MARK3: variants seen among roughly 807,000 people sequenced by gnomAD.
The protein encoded by MARK3 is microtubule affinity regulating kinase 3, also known as MAP/microtubule affinity-regulating kinase 3.
Under a neutral mutation model 90.1 loss-of-function variants are expected in MARK3, and 46 were observed. The observed-to-expected ratio is 0.51, with a 90% confidence interval of 0.40 to 0.65. MARK3 has a LOEUF of 0.65. Ranked by LOEUF, MARK3 falls within the 30% of genes least tolerant of loss-of-function variation. The pLI is 0.00. For missense variants in MARK3, 818 were observed against 947.2 expected (o/e 0.86, Z 1.79); for synonymous variants, 321 against 332.6 (o/e 0.97, Z 0.38).
At chr14:103,483,343 C>G (rs2093861159) in intron 14 of MARK3, among the ~76,000 whole-genome samples, 1 of 152,036 alleles carries the variant, frequency 6.6e-6, no homozygotes, top group East Asian at 1.9e-4. Flanking sequence ...TATGAGTGTT[C>G]ATACGGAATT....
At position 103,491,010 on chromosome 14, in the gene MARK3, C is replaced by T. The variant is rs191776590; in HGVS notation, c.1587-767C>T. 1.1e-4 allele frequency: 141 copies of T among 1,288,480 alleles called. No individual in the cohort carries two copies. The African/African-American group carries it at 1.1e-3, about 10-fold the overall frequency. The allele number at this position is 1,288,480 out of a possible 1,614,324, so 79.8% of individuals were successfully genotyped here. ...TGCCTCAGTTTGTACATCTACCTGT[C>T]GGCTGAGACATCAGAAGTCGATGTC... On this transcript the variant is annotated intron_variant, in intron 14 of 17. Coordinates refer to ENST00000429436, the MANE Select transcript of MARK3 (RefSeq NM_001128918.3).
chr14:103,405,919 C>G (rs1428151207), intron 2 of MARK3, among the ~76,000 whole-genome samples: 1 of 151,390 alleles, frequency 6.6e-6, no homozygotes, highest in Admixed American at 6.6e-5. Flanking sequence ...AAGACAGGGC[C>G]TTGCCCTGTC....
intron 6 of MARK3, among the ~76,000 whole-genome samples, chr14:103,461,491 C>A (rs1595788265): frequency 6.6e-6 from 1 of 152,282 alleles, no homozygotes; most frequent in South Asian, 2.1e-4. Context: ...CTTAATAGTG[C>A]ACGTAGTAGT....
intron 16 of MARK3, chr14:103,499,790 G>A (rs2075552598): frequency 4.2e-6 from 1 of 240,206 alleles, no homozygotes; most frequent in South Asian, 5.2e-5. Flanking sequence ...TAGAAAGTGA[G>A]AATAACCCCA....
At position 103,411,830 on chromosome 14, in the gene MARK3, C is replaced by T. The variant is rs949603290; in HGVS notation, c.243+6563C>T. On this transcript the variant is annotated intron_variant, in intron 2 of 17. Coordinates refer to ENST00000429436, the MANE Select transcript of MARK3 (RefSeq NM_001128918.3). Reference sequence around the variant, plus strand: ...TAGAGAGGGGATTTCATCATGTTGGCCAGGATGGTCTCGATCTCTTGAACC... The same window carrying T: ...TAGAGAGGGGATTTCATCATGTTGGTCAGGATGGTCTCGATCTCTTGAACC... Among the ~76,000 whole-genome samples, 26 of 151,528 alleles carry T rather than the reference C, an allele frequency of 1.7e-4. 1 individual carries two copies. Among genetic ancestry groups the T allele is most frequent in the Admixed American group, 1.4e-3 (21 of 15,200 alleles).
At chr14:103,473,010 A>AG (rs1210387530) in intron 12 of MARK3, among the ~76,000 whole-genome samples, 1 of 152,062 alleles carries the variant, frequency 6.6e-6, no homozygotes, top group East Asian at 1.9e-4. Context: ...CCGTCTCGAA[A>AG]AAAAAAAAAA....
intron 3 of MARK3, among the ~76,000 whole-genome samples, chr14:103,433,168 C>T (rs769047558): frequency 4.0e-5 from 6 of 150,852 alleles, no homozygotes; most frequent in Non-Finnish European, 8.9e-5. Context: ...TCACTGCAAC[C>T]TCTGCCTCCC....
chr14:103,472,186 G>A (rs1287751163), intron 12 of MARK3, among the ~76,000 whole-genome samples: 1 of 149,352 alleles, frequency 6.7e-6, no homozygotes, highest in African/African-American at 2.5e-5. Context: ...CTCCAGCCTG[G>A]GCGACAGAGC....
intron 14 of MARK3, chr14:103,491,474 G>C (rs2094015254): frequency 3.3e-6 from 1 of 306,050 alleles, no homozygotes; most frequent in African/African-American, 2.2e-5. Context: ...CAATTTGAGA[G>C]GGAAGCAAAG....
intron 1 of MARK3, among the ~76,000 whole-genome samples, chr14:103,390,219 G>C (rs2140448244): frequency 6.6e-6 from 1 of 152,272 alleles, no homozygotes; most frequent in South Asian, 2.1e-4. Flanking sequence ...CTGCACTCCA[G>C]CCTGGGCGAC....
At position 103,386,090 on chromosome 14, in the gene MARK3, C is replaced by T. The variant is rs774306720; in HGVS notation, c.51+10C>T. 1.9e-6 allele frequency: 3 copies of T among 1,614,044 alleles called. No homozygotes were observed. Among genetic ancestry groups the T allele is most frequent in the Admixed American group, 1.7e-5 (1 of 60,026 alleles). ...ACGAGACACTGAAAACGTAAGTAAC[C>T]TGGGCGTTGTAGTTGGCGGACCTTC... On this transcript the variant is annotated intron_variant, in intron 1 of 17. Transcript: ENST00000429436.
intron 1 of MARK3, among the ~76,000 whole-genome samples, chr14:103,393,283 C>T (rs561466626): frequency 3.3e-5 from 5 of 152,174 alleles, no homozygotes; most frequent in South Asian, 4.1e-4. Context: ...CACTGTGCCC[C>T]GGCTTAATCA....
At chr14:103,386,673 C>A (rs2089830613) in intron 1 of MARK3, among the ~76,000 whole-genome samples, 1 of 152,172 alleles carries the variant, frequency 6.6e-6, no homozygotes, top group Non-Finnish European at 1.5e-5. Flanking sequence ...CCATACAAAT[C>A]TTTTTTGAAG....
chr14:103,491,112 G>C, intron 14 of MARK3: 1 of 1,250,672 alleles, frequency 8.0e-7, no homozygotes, highest in Non-Finnish European at 1.0e-6. Context: ...GGCTATGTAA[G>C]AAAAATGCAC....
chr14:103,472,755 C>A (rs945146100), intron 12 of MARK3, among the ~76,000 whole-genome samples: 3 of 152,044 alleles, frequency 2.0e-5, no homozygotes, highest in Non-Finnish European at 4.4e-5. Context: ...CGCCTGTAAT[C>A]CCAACACTTT....
chr14:103,460,596 G>C (rs1413006952), intron 6 of MARK3, among the ~76,000 whole-genome samples: 1 of 152,200 alleles, frequency 6.6e-6, no homozygotes, highest in Non-Finnish European at 1.5e-5. Context: ...CATCAGGTTA[G>C]CTTTGAGCTG....
rs1373614830 is a variant in MARK3, at chr14:103,480,424, C to T, written c.1520C>T (p.Thr507Ile). Residue 507 changes from threonine to isoleucine, a missense_variant, in exon 14 of 18, where the codon ACT becomes ATT. This residue lies in a region of MARK3 where 560 missense variants were observed against 613.5 expected (regional missense o/e 0.91). Coordinates refer to ENST00000429436, the MANE Select transcript of MARK3 (RefSeq NM_001128918.3). ...TCTGGTGGAATGACACGACGAAATA[C>T]TTATGTTTGCAGTGAGAGAACTACA... ...TASGGMTRRN[T>I]YVCSERTTAD... is the part of the protein sequence containing the mutation. 6.2e-7 allele frequency: 1 copy of T among 1,613,280 alleles called. No individual in the cohort carries two copies. Among genetic ancestry groups the T allele is most frequent in the Non-Finnish European group, 8.5e-7 (1 of 1,179,534 alleles).
chr14:103,425,984 T>G lies in MARK3; in HGVS notation c.244-2403T>G, dbSNP rs376643817. On this transcript the variant is annotated intron_variant, in intron 2 of 17. Transcript: ENST00000429436. Reference sequence around the variant, plus strand: ...CAGGGTTTTTAAAACATGGTGTTAATGTACATAATGCAGCCATTCTCAAAA... The same window carrying G: ...CAGGGTTTTTAAAACATGGTGTTAAGGTACATAATGCAGCCATTCTCAAAA... Among the ~76,000 whole-genome samples the G allele has an allele frequency of 7.9e-5, 12 of 152,362 alleles. No homozygotes were observed. In the East Asian group the frequency reaches 2.3e-3, roughly 29 times the overall value.
At chr14:103,401,110 A>G (rs949368186) in intron 1 of MARK3, among the ~76,000 whole-genome samples, 1 of 151,966 alleles carries the variant, frequency 6.6e-6, no homozygotes, top group African/African-American at 2.4e-5. Context: ...TGGCATAGGA[A>G]TAGGGAACTT....
Sources: gnomAD v4.1 joint callset for allele counts (sites outside exome capture counted in the v4.1 genomes callset) on GRCh38, gnomAD v4.1.1 for gene constraint, gnomAD v4.1.1 regional missense constraint, MANE v1.5 for transcripts, NCBI Gene and HGNC (gene_info 2026-07-23, HGNC 2026-07-21) for gene names.